The following ZFHX3 variants were observed in gnomAD, a reference collection of about 807,000 sequenced individuals.
ZFHX3 encodes zinc finger homeobox 3.
ZFHX3 carries 42 observed loss-of-function variants against 279.1 expected under a neutral mutation model. That is an observed-to-expected ratio of 0.15 (90% CI 0.12 to 0.19). ZFHX3 has a LOEUF of 0.19. Among genes scored for constraint, ZFHX3 ranks in the 10% least tolerant of loss-of-function variants. The pLI is 1.00. For synonymous variants in ZFHX3, 2,293 were observed against 1,957.8 expected, an observed-to-expected ratio of 1.17 and a Z score of -4.52; for missense variants, 4,981 against 4,754.0, an observed-to-expected ratio of 1.05 and a Z score of -1.40.
intron 2 of ZFHX3, among the ~76,000 whole-genome samples, chr16:73,556,321 G>T (rs989476940): frequency 6.6e-6 from 1 of 152,130 alleles, no homozygotes; most frequent in Non-Finnish European, 1.5e-5. Flanking sequence ...GGAGTGGGGA[G>T]GGGGGTGGCG....
At chr16:73,703,623 G>A (rs907764863) in intron 1 of ZFHX3, among the ~76,000 whole-genome samples, 9 of 152,046 alleles carry the variant, frequency 5.9e-5, no homozygotes, top group African/African-American at 1.9e-4. Context: ...TGCAGAGATC[G>A]GTAGACTGTG....
intron 3 of ZFHX3, among the ~76,000 whole-genome samples, chr16:72,912,289 A>T (rs571747969): frequency 1.3e-5 from 2 of 152,236 alleles, no homozygotes; most frequent in Admixed American, 1.3e-4. Context: ...GAGGGTTAGT[A>T]AACAGCAAGT....
chr16:72,882,358 G>T (rs897945515), intron 4 of ZFHX3, among the ~76,000 whole-genome samples: 1 of 152,068 alleles, frequency 6.6e-6, no homozygotes, highest in Non-Finnish European at 1.5e-5. Flanking sequence ...TGTACAGCTG[G>T]TGCCACGTGT....
At chr16:72,862,108 T>C (rs1183955278) in intron 4 of ZFHX3, among the ~76,000 whole-genome samples, 1 of 152,192 alleles carries the variant, frequency 6.6e-6, no homozygotes, top group African/African-American at 2.4e-5. Flanking sequence ...AGGAACTGTG[T>C]GACACACTGT....
chr16:73,693,772 A>G (rs1018601929), intron 1 of ZFHX3, among the ~76,000 whole-genome samples: 1 of 152,196 alleles, frequency 6.6e-6, no homozygotes, highest in African/African-American at 2.4e-5. Context: ...CCTTCCATTT[A>G]CAAGATTTAC....
At chr16:73,785,847 T>A (rs1959626305) in intron 1 of ZFHX3, among the ~76,000 whole-genome samples, 3 of 152,150 alleles carry the variant, frequency 2.0e-5, no homozygotes, top group African/African-American at 7.2e-5. Flanking sequence ...GTTGCCTGGG[T>A]ACTTTGTAAC....
intron 3 of ZFHX3, among the ~76,000 whole-genome samples, chr16:73,379,203 T>G (rs1370245008): frequency 2.0e-5 from 3 of 152,182 alleles, no homozygotes; most frequent in African/African-American, 7.2e-5. Context: ...TTCTTAGTCA[T>G]GGAGGAGTAA....
At chr16:72,901,281 A>AGAG (rs1398421210) in intron 3 of ZFHX3, among the ~76,000 whole-genome samples, 1 of 152,210 alleles carries the variant, frequency 6.6e-6, no homozygotes, top group African/African-American at 2.4e-5. Flanking sequence ...ACCAAATGCG[A>AGAG]GAGGAAAATG....
intron 1 of ZFHX3, among the ~76,000 whole-genome samples, chr16:73,845,046 T>C (rs1382305965): frequency 6.6e-6 from 1 of 152,148 alleles, no homozygotes; most frequent in Non-Finnish European, 1.5e-5. Context: ...AGCTCCTCTT[T>C]TTTATAAGCA....
At chr16:73,101,994 A>C (rs1312599116) in intron 7 of ZFHX3, among the ~76,000 whole-genome samples, 1 of 149,472 alleles carries the variant, frequency 6.7e-6, no homozygotes, top group Non-Finnish European at 1.5e-5. Flanking sequence ...GCTCACTGCA[A>C]TCTCCGCCTC....
At chr16:73,314,578 A>T (rs1234592623) in intron 4 of ZFHX3, among the ~76,000 whole-genome samples, 1 of 152,072 alleles carries the variant, frequency 6.6e-6, no homozygotes, top group Non-Finnish European at 1.5e-5. Flanking sequence ...CCTTCCTCTC[A>T]ACTGCTGTGT....
At chr16:73,832,148 C>G (rs1044056910) in intron 1 of ZFHX3, among the ~76,000 whole-genome samples, 3 of 152,052 alleles carry the variant, frequency 2.0e-5, no homozygotes, top group Non-Finnish European at 2.9e-5. Flanking sequence ...GTCTGCCTGC[C>G]TCAGCCTCCC....
intron 3 of ZFHX3, among the ~76,000 whole-genome samples, chr16:73,383,001 CAG>C (rs980924664): frequency 2.0e-5 from 3 of 152,128 alleles, no homozygotes; most frequent in Non-Finnish European, 4.4e-5. Flanking sequence ...ACACAGGAGA[CAG>C]GGGATGAAAC....
At chr16:73,478,312 T>C (rs558583022) in intron 2 of ZFHX3, among the ~76,000 whole-genome samples, 7 of 147,638 alleles carry the variant, frequency 4.7e-5, no homozygotes, top group South Asian at 2.2e-4. Context: ...AAAAGCCATA[T>C]GACATGCCTG....
intron 2 of ZFHX3, among the ~76,000 whole-genome samples, chr16:73,678,798 T>A (rs1194764262): frequency 6.6e-6 from 1 of 152,154 alleles, no homozygotes; most frequent in Non-Finnish European, 1.5e-5. Flanking sequence ...TACAGCTTGC[T>A]TCAGTGATTC....
chr16:73,698,288 C>T (rs1320951530), intron 1 of ZFHX3, among the ~76,000 whole-genome samples: 1 of 151,982 alleles, frequency 6.6e-6, no homozygotes, highest in African/African-American at 2.4e-5. Flanking sequence ...GAAAAGATAG[C>T]TCTTATTTTC....
At chr16:73,717,511 C>T (rs1283165559) in intron 1 of ZFHX3, among the ~76,000 whole-genome samples, 1 of 152,102 alleles carries the variant, frequency 6.6e-6, no homozygotes, top group African/African-American at 2.4e-5. Flanking sequence ...GAGAACAAGC[C>T]TCTTAGAAAT....
At chr16:73,599,981 G>A (rs1254398424) in intron 2 of ZFHX3, among the ~76,000 whole-genome samples, 3 of 152,250 alleles carry the variant, frequency 2.0e-5, no homozygotes, top group East Asian at 3.9e-4. Flanking sequence ...TTGTCTCCTC[G>A]TTTTCCCCAC....
At chr16:73,063,284 C>T (rs1199944683), upstream of ZFHX3, among the ~76,000 whole-genome samples, 1 of 152,206 alleles carries the variant, frequency 6.6e-6, no homozygotes, top group Non-Finnish European at 1.5e-5. Context: ...GGGTCAAGTC[C>T]GAGATCACCT....
Sources: gnomAD v4.1 joint callset for allele counts (sites outside exome capture counted in the v4.1 genomes callset) on GRCh38, gnomAD v4.1.1 for gene constraint, MANE v1.5 for transcripts, NCBI Gene and HGNC (gene_info 2026-07-23, HGNC 2026-07-21) for gene names.